REEP3: variants seen among roughly 807,000 people sequenced by gnomAD.
REEP3 encodes the protein receptor accessory protein 3, also known as receptor expression-enhancing protein 3.
In REEP3, 20 loss-of-function variants were observed where a neutral mutation model predicts 41.3. That is an observed-to-expected ratio of 0.48 (90% confidence interval 0.34 to 0.70). The LOEUF (loss-of-function observed/expected upper bound fraction) is 0.70, where lower values mean the gene tolerates loss of function less well. Among genes scored for constraint, REEP3 ranks in the 30% least tolerant of loss-of-function variants. The pLI is 0.01. For missense variants in REEP3, 271 were observed against 308.8 expected (o/e 0.88, Z 0.92); for synonymous variants, 104 against 101.8 (o/e 1.02, Z -0.13).
At chr10:63,541,196 T>G (rs1444395822) in intron 1 of REEP3, among the ~76,000 whole-genome samples, 1 of 152,228 alleles carries the variant, frequency 6.6e-6, no homozygotes, top group Non-Finnish European at 1.5e-5. Flanking sequence ...TCAATACCTT[T>G]ATTTTATAGT....
chr10:63,541,826 G>A (rs1048179295), intron 1 of REEP3, among the ~76,000 whole-genome samples: 1 of 152,156 alleles, frequency 6.6e-6, no homozygotes, highest in Admixed American at 6.5e-5. Flanking sequence ...CCTGCCCGTA[G>A]CAATGGGATA....
chr10:63,584,103 C>T (rs779561508), intron 2 of REEP3, among the ~76,000 whole-genome samples: 50 of 152,246 alleles, frequency 3.3e-4, no homozygotes, highest in Middle Eastern at 3.4e-3. Flanking sequence ...TGCAATGTTG[C>T]GACAGAGGTA....
chr10:63,601,960 AAAAT>A (rs1421089400), intron 5 of REEP3, among the ~76,000 whole-genome samples: 1 of 151,852 alleles, frequency 6.6e-6, no homozygotes, highest in African/African-American at 2.4e-5. Flanking sequence ...TAAATAATAA[AAAAT>A]AAAAGCAGGG....
chr10:63,544,558 G>C (rs1955558933), intron 1 of REEP3, among the ~76,000 whole-genome samples: 1 of 152,134 alleles, frequency 6.6e-6, no homozygotes, highest in South Asian at 2.1e-4. Flanking sequence ...TCAAACATGA[G>C]AGGAAGAAAA....
chr10:63,553,708 C>G (rs1289756034), intron 1 of REEP3, among the ~76,000 whole-genome samples: 1 of 152,120 alleles, frequency 6.6e-6, no homozygotes, highest in Non-Finnish European at 1.5e-5. Context: ...ACTCATCCTC[C>G]TTTAATTTGT....
chr10:63,566,483 C>T, intron 2 of REEP3, 73 bp downstream of exon 2: 2 of 836,962 alleles, frequency 2.4e-6, no homozygotes, highest in Non-Finnish European at 3.8e-6. Context: ...CTGCTATTCT[C>T]TTAGAAACGG....
intron 5 of REEP3, among the ~76,000 whole-genome samples, chr10:63,606,278 T>TTTCTTTCTTTCTTTC (rs1554808468): frequency 2.0e-5 from 3 of 147,910 alleles, no homozygotes; most frequent in Non-Finnish European, 3.1e-5. Flanking sequence ...TTTCTTTCTT[T>TTTCTTTCTTTCTTTC]TTCTTTCTTT....
chr10:63,535,394 TATTA>T (rs1955465325), intron 1 of REEP3, among the ~76,000 whole-genome samples: 2 of 152,326 alleles, frequency 1.3e-5, no homozygotes, highest in South Asian at 2.1e-4. Flanking sequence ...AATGGGTCAA[TATTA>T]ATTAATGATT....
chr10:63,582,840 G>A (rs866691190), intron 2 of REEP3, among the ~76,000 whole-genome samples: 46 of 152,172 alleles, frequency 3.0e-4, no homozygotes, highest in Admixed American at 2.7e-3. Flanking sequence ...TCTGTGCTCC[G>A]TTACTTGCTG....
chr10:63,526,422 T>C (rs1439525245), intron 1 of REEP3, among the ~76,000 whole-genome samples: 2 of 152,136 alleles, frequency 1.3e-5, no homozygotes, highest in Non-Finnish European at 2.9e-5. Flanking sequence ...TTCTTTGGGA[T>C]AAAAATACAA....
rs143998414 is a variant in REEP3 at position 63,527,558 on chromosome 10, G to A, written c.32+5981G>A. Among the ~76,000 whole-genome samples, 601 of 151,834 alleles carry A rather than the reference G, an allele frequency of 4.0e-3. 1 individual carries two copies. The highest frequency in any genetic ancestry group is 0.011 in the African/African-American group (456 of 41,508). On this transcript the variant is annotated intron_variant, in intron 1 of 7. Transcript: ENST00000373758. ...TAGCTGGGCGTGGTGGTACATGCCTGTAATCCCGGCTACTGTGGATGCTGA... is the reference window on the plus strand; with the variant it reads ...TAGCTGGGCGTGGTGGTACATGCCTATAATCCCGGCTACTGTGGATGCTGA...
In REEP3 at chr10:63,622,630, T is replaced by C. The variant is rs1564494828; in HGVS notation, c.*1761T>C. 1 of 152,072 alleles carries C rather than the reference T, an allele frequency of 6.6e-6. No individual in the cohort carries two copies. The highest frequency in any genetic ancestry group is 1.5e-5 in the Non-Finnish European group (1 of 68,016). The allele number at this position is 152,072 out of a possible 1,614,324, so 9.4% of individuals were successfully genotyped here. A position where few individuals can be genotyped will look rare whatever the true frequency, so the allele number is the denominator to read the frequency against. On this transcript the variant is annotated 3_prime_UTR_variant, in exon 8 of 8. Coordinates refer to ENST00000373758, the MANE Select transcript of REEP3 (RefSeq NM_001001330.3). ...CCTTGTCTTTCCTACTCAAAGACAGTATCATCTGAAGTTGCCTAATAAGGT... is the reference window on the plus strand; with the variant it reads ...CCTTGTCTTTCCTACTCAAAGACAGCATCATCTGAAGTTGCCTAATAAGGT...
chr10:63,572,137 T>G (rs999789013), intron 2 of REEP3, among the ~76,000 whole-genome samples: 1 of 152,184 alleles, frequency 6.6e-6, no homozygotes, highest in African/African-American at 2.4e-5. Flanking sequence ...ATAGAAGGTT[T>G]TGAAAATTCT....
chr10:63,537,008 A>G (rs887264097), intron 1 of REEP3, among the ~76,000 whole-genome samples: 1 of 152,234 alleles, frequency 6.6e-6, no homozygotes, highest in African/African-American at 2.4e-5. Context: ...ACAACTAGCT[A>G]TGTACCATCA....
At chr10:63,545,524 G>A (rs941383841) in intron 1 of REEP3, among the ~76,000 whole-genome samples, 2 of 151,738 alleles carry the variant, frequency 1.3e-5, no homozygotes, top group East Asian at 1.9e-4. Flanking sequence ...ACAGGCACCC[G>A]CCACCATGCC....
At chr10:63,606,209 C>T (rs890161040) in intron 5 of REEP3, 2 of 364,660 alleles carry the variant, frequency 5.5e-6, no homozygotes, top group African/African-American at 5.7e-5. Context: ...CGCCTTTCCT[C>T]TTTATTGACT....
At chr10:63,532,868 G>A (rs934111012) in intron 1 of REEP3, among the ~76,000 whole-genome samples, 3 of 152,094 alleles carry the variant, frequency 2.0e-5, no homozygotes, top group Admixed American at 2.0e-4. Flanking sequence ...TCGTGCCACT[G>A]TACTCCAGCC....
At chr10:63,605,404 A>G (rs1214700597) in intron 5 of REEP3, among the ~76,000 whole-genome samples, 2 of 152,320 alleles carry the variant, frequency 1.3e-5, no homozygotes, top group African/African-American at 4.8e-5. Context: ...ATCTGCAATT[A>G]TAATGTAACA....
At position 63,599,200 on chromosome 10, in the gene REEP3, G is replaced by C; in HGVS notation, c.334G>C (p.Glu112Gln). 6.3e-7 allele frequency: 1 copy of C among 1,591,286 alleles called. No individual in the cohort carries two copies. The highest frequency in any genetic ancestry group is 1.4e-5 in the African/African-American group (1 of 73,724). Residue 112 changes from glutamate (E) to glutamine (Q), a missense_variant, in exon 5 of 8, where the codon GAA becomes CAA. Coordinates refer to ENST00000373758, the MANE Select transcript of REEP3 (RefSeq NM_001001330.3). Reference sequence around the variant, plus strand: ...TGATGATTATATTGTACAAGCAAAGGAACGAGGCTATGAAACCATGGTAAA... The same window carrying C: ...TGATGATTATATTGTACAAGCAAAGCAACGAGGCTATGAAACCATGGTAAA... The part of the protein sequence containing the change: ...EIDDYIVQAK[E>Q]RGYETMVNFG...
Sources: gnomAD v4.1 joint callset for allele counts (sites outside exome capture counted in the v4.1 genomes callset) on GRCh38, gnomAD v4.1.1 for gene constraint, MANE v1.5 for transcripts, NCBI Gene and HGNC (gene_info 2026-07-23, HGNC 2026-07-21) for gene names.